The following ARHGEF15 variants were observed in gnomAD, a reference collection of about 807,000 sequenced individuals.
The protein encoded by ARHGEF15 is Rho guanine nucleotide exchange factor (GEF) 15.
ARHGEF15 carries 58 observed loss-of-function variants against 79.7 expected under a neutral mutation model. The ratio of observed to expected loss-of-function variants is 0.73; its 90% CI spans 0.59 to 0.91. The LOEUF is 0.91. ARHGEF15 is among the 40% of genes least tolerant of loss of function. ARHGEF15 has a pLI of 0.00. For missense variants in ARHGEF15, 1,012 were observed against 1,108.1 expected, an observed-to-expected ratio of 0.91 and a Z score of 1.23; for synonymous variants, 442 against 456.0, an observed-to-expected ratio of 0.97 and a Z score of 0.39.
chr17:8,317,038 C>T (rs1905070373), intron 9 of ARHGEF15, among the ~76,000 whole-genome samples: 1 of 152,040 alleles, frequency 6.6e-6, no homozygotes, highest in African/African-American at 2.4e-5. Flanking sequence ...CTGCCTCAGT[C>T]ACCCAAAGTG....
chr17:8,313,088 C>T lies in ARHGEF15; in HGVS notation c.768C>T (p.Ile256=), dbSNP rs1217153535. 108 of 1,611,120 alleles carry T rather than the reference C, an allele frequency of 6.7e-5. No homozygotes were observed. Among genetic ancestry groups the T allele is most frequent in the Non-Finnish European group, 8.8e-5 (104 of 1,177,998 alleles). ...TSRSRPHPPS[I]GHPAVVLTSY... is the part of the protein sequence containing the mutation. ...GCTCCCGCCCCCACCCTCCAAGCATCGGTCACCCTGCCGTTGTCCTCACAT... is the reference window on the plus strand; with the variant it reads ...GCTCCCGCCCCCACCCTCCAAGCATTGGTCACCCTGCCGTTGTCCTCACAT... Residue 256 remains isoleucine, a synonymous_variant, in exon 3 of 16, where the codon ATC becomes ATT. Transcript: ENST00000361926.
chr17:8,321,250 T>A lies in ARHGEF15; in HGVS notation c.*257T>A, dbSNP rs1905370580. 1 of 455,682 alleles carries A rather than the reference T, an allele frequency of 2.2e-6. No homozygotes were observed. The highest frequency in any genetic ancestry group is 2.0e-5 in the African/African-American group (1 of 51,050). 28.2% of individuals were successfully genotyped at this position (455,682 alleles called of 1,614,324 possible). A position where few individuals can be genotyped will look rare whatever the true frequency, so the allele number is the denominator to read the frequency against. On this transcript the variant is annotated 3_prime_UTR_variant, in exon 16 of 16. Coordinates refer to ENST00000361926, the MANE Select transcript of ARHGEF15 (RefSeq NM_173728.4). ...GCAGAGCAGCCAATGGGTACTGAGCTGGCTGAGCCTATGGCCAATGAGTAT... is the reference window on the plus strand; with the variant it reads ...GCAGAGCAGCCAATGGGTACTGAGCAGGCTGAGCCTATGGCCAATGAGTAT...
At chr17:8,316,817 C>G (rs1905054825) in intron 9 of ARHGEF15, among the ~76,000 whole-genome samples, 1 of 152,204 alleles carries the variant, frequency 6.6e-6, no homozygotes. Flanking sequence ...GAGACGGAGT[C>G]TCACTCCCAG....
At position 8,315,306 on chromosome 17, in the gene ARHGEF15, G is replaced by C. The variant is rs557193825; in HGVS notation, c.1260+29G>C. The stretch of plus-strand genomic sequence containing the variant: ...GGAGCTGGAGGTGGGAGATGGGAGG[G>C]GGGTGCTGGGGTTGGGCTGCATGGG... On this transcript the variant is annotated intron_variant, in intron 6 of 15. Coordinates refer to ENST00000361926, the MANE Select transcript of ARHGEF15 (RefSeq NM_173728.4). This position sits in a 1 kb window ranked among gnomAD's most constrained non-coding sequence, Gnocchi z 4.3. The C allele has an allele frequency of 1.6e-5, 25 of 1,611,646 alleles. No individual in the cohort carries two copies. The highest frequency in any genetic ancestry group is 6.7e-5 in the Admixed American group (4 of 59,914).
chr17:8,311,545 T>C (rs937436584), intron 1 of ARHGEF15, among the ~76,000 whole-genome samples: 12 of 151,806 alleles, frequency 7.9e-5, no homozygotes, highest in Admixed American at 2.0e-4. Flanking sequence ...AGGGAAACAG[T>C]GATGCACGCC....
At chr17:8,310,538 C>G (rs557942915) in intron 1 of ARHGEF15, among the ~76,000 whole-genome samples, 195 bp downstream of exon 1, 2 of 152,206 alleles carry the variant, frequency 1.3e-5, no homozygotes, top group East Asian at 3.9e-4. Context: ...GACACCCATG[C>G]TGCTCAGCCA....
intron 15 of ARHGEF15, 129 bp from the exon 16 acceptor site, chr17:8,320,713 C>T: frequency 3.8e-6 from 3 of 792,904 alleles, no homozygotes; most frequent in East Asian, 2.7e-5. Flanking sequence ...TCTACCGATG[C>T]TCCAGGCTTG....
At chr17:8,311,113 G>T (rs566799788) in intron 1 of ARHGEF15, among the ~76,000 whole-genome samples, 1 of 151,986 alleles carries the variant, frequency 6.6e-6, no homozygotes, top group Non-Finnish European at 1.5e-5. Flanking sequence ...GAGCCAGTCC[G>T]AGGCCTGGAG....
rs1597462690 is a variant in ARHGEF15 at position 8,314,579 on chromosome 17, G to T, written c.990-327G>T. Reference sequence around the variant, plus strand: ...AAGAATGGGGCCCACTTAGTTCAGGGGCTCCTCTCTAAAAGGCACATAAAA... The same window carrying T: ...AAGAATGGGGCCCACTTAGTTCAGGTGCTCCTCTCTAAAAGGCACATAAAA... On this transcript the variant is annotated intron_variant, in intron 4 of 15. Coordinates refer to ENST00000361926, the MANE Select transcript of ARHGEF15 (RefSeq NM_173728.4). 3.9e-5 allele frequency among the ~76,000 whole-genome samples: 6 copies of T among 151,968 alleles called. 1 individual carries two copies. The highest frequency in any genetic ancestry group is 3.9e-4 in the Admixed American group (6 of 15,248).
chr17:8,320,982 C>T lies in ARHGEF15; in HGVS notation c.2515C>T (p.Pro839Ser), dbSNP rs1905353273. 1.9e-6 allele frequency: 3 copies of T among 1,613,944 alleles called. No homozygotes were observed. Among genetic ancestry groups the T allele is most frequent in the Middle Eastern group, 1.6e-4 (1 of 6,062 alleles). The part of the protein sequence containing the change: ...VGSSSGTPNA[P>S]PP Reference sequence around the variant, plus strand: ...ATCTTCTTCAGGCACCCCCAATGCCCCCCCACCCTAATGCAGGCTGAGGAG... The same window carrying T: ...ATCTTCTTCAGGCACCCCCAATGCCTCCCCACCCTAATGCAGGCTGAGGAG... The change falls in exon 16 of 16, where the codon CCC (proline) becomes TCC (serine). Residue 839 changes from proline (P) to serine (S), a missense_variant. This residue lies in a region of ARHGEF15 where 132 missense variants were observed against 124.2 expected (regional missense o/e 1.06). Coordinates refer to ENST00000361926, the MANE Select transcript of ARHGEF15 (RefSeq NM_173728.4).
intron 4 of ARHGEF15, 149 bp downstream of exon 4, chr17:8,313,704 C>A (rs895750465): frequency 1.4e-6 from 1 of 724,440 alleles, no homozygotes; most frequent in South Asian, 2.3e-5. Flanking sequence ...GCCCTTGTTT[C>A]GAATCCCAGC....
intron 4 of ARHGEF15, 117 bp from the exon 5 acceptor site, chr17:8,314,789 T>A: frequency 1.2e-6 from 1 of 827,726 alleles, no homozygotes; most frequent in Non-Finnish European, 1.8e-6. Context: ...TGGGGAGCCG[T>A]CAGGGTCCCT....
intron 4 of ARHGEF15, among the ~76,000 whole-genome samples, chr17:8,314,538 C>T (rs1904878335): frequency 1.3e-5 from 2 of 151,948 alleles, no homozygotes; most frequent in South Asian, 4.2e-4. Flanking sequence ...AATCTCTGGT[C>T]TGCAATAGTT....
Position 8,318,979 on chromosome 17 carries a change from C to T in ARHGEF15, c.2034-28C>T. ...AGGGGTCCAGCGGGACCCCTGCTGT[C>T]CTTCTGAACGACCTCATCCCTGGGC... is the stretch of plus-strand genomic sequence containing the variant. On this transcript the variant is annotated intron_variant, in intron 12 of 15. Coordinates refer to ENST00000361926, the MANE Select transcript of ARHGEF15 (RefSeq NM_173728.4). This position sits in a 1 kb window ranked among gnomAD's most constrained non-coding sequence, Gnocchi z 5.0. 1 of 1,610,888 alleles carries T rather than the reference C, an allele frequency of 6.2e-7. No homozygotes were observed. The highest frequency in any genetic ancestry group is 8.5e-7 in the Non-Finnish European group (1 of 1,178,694).
At position 8,320,906 on chromosome 17, in the gene ARHGEF15, C is replaced by T. The variant is rs200425815; in HGVS notation, c.2439C>T (p.His813=). The change falls in exon 16 of 16, where the codon CAC becomes CAT. Residue 813 remains histidine (H), a synonymous_variant. Coordinates refer to ENST00000361926, the MANE Select transcript of ARHGEF15 (RefSeq NM_173728.4). ...TGGTGTGTGAAGTCACAGGGGAACA[C>T]GAAAGGAGGAGGCACCTTCGCCAGA... ...AQLVCEVTGE[H]ERRRHLRQNQ... is the part of the protein sequence containing the mutation. 69 of 1,613,834 alleles carry T rather than the reference C, an allele frequency of 4.3e-5. No individual in the cohort carries two copies. Among genetic ancestry groups the T allele is most frequent in the Non-Finnish European group, 5.3e-5 (62 of 1,180,026 alleles).
intron 15 of ARHGEF15, among the ~76,000 whole-genome samples, chr17:8,319,864 C>T (rs1406518119): frequency 2.6e-5 from 4 of 151,822 alleles, no homozygotes; most frequent in African/African-American, 7.3e-5. Context: ...TCGAACTAAC[C>T]TCAGGTGATC....
Position 8,321,147 on chromosome 17 carries a change from A to C in ARHGEF15, c.*154A>C. ...GCTTCAGGACAGAGCAGCCAATGAA[A>C]ACGGCCGCCTGAACCCACAGCAATA... On this transcript the variant is annotated 3_prime_UTR_variant, in exon 16 of 16. Coordinates refer to ENST00000361926, the MANE Select transcript of ARHGEF15 (RefSeq NM_173728.4). 3.3e-5 allele frequency: 34 copies of C among 1,015,148 alleles called. No individual in the cohort carries two copies. The highest frequency in any genetic ancestry group is 4.4e-4 in the Middle Eastern group (2 of 4,522). 62.9% of individuals were successfully genotyped at this position (1,015,148 alleles called of 1,614,324 possible).
intron 9 of ARHGEF15, among the ~76,000 whole-genome samples, chr17:8,317,677 A>T (rs1397162715): frequency 6.6e-6 from 1 of 152,212 alleles, no homozygotes; most frequent in Non-Finnish European, 1.5e-5. Flanking sequence ...GGTCATACAG[A>T]AATAATTGAT....
At chr17:8,319,257 T>A in intron 13 of ARHGEF15, 55 bp from the exon 14 acceptor site, 1 of 1,606,634 alleles carries the variant, frequency 6.2e-7, no homozygotes, top group African/African-American at 1.3e-5. Context: ...GGCTCCTGCC[T>A]CAGCCCCAGA....
Sources: gnomAD v4.1 joint callset for allele counts (sites outside exome capture counted in the v4.1 genomes callset) on GRCh38, gnomAD v4.1.1 for gene constraint, gnomAD v4.1.1 regional missense constraint, Gnocchi (gnomAD v3.1) non-coding constraint, MANE v1.5 for transcripts, NCBI Gene and HGNC (gene_info 2026-07-23, HGNC 2026-07-21) for gene names.